Variants in ASPH observed in about 807,000 individuals in gnomAD.
The protein encoded by ASPH is aspartate beta-hydroxylase.
In ASPH, 100 loss-of-function variants were observed where a neutral mutation model predicts 118.4. The observed-to-expected ratio is 0.84, with a 90% confidence interval of 0.72 to 1.00. The LOEUF (loss-of-function observed/expected upper bound fraction) is 1.00, where lower values mean the gene tolerates loss of function less well. Ranked by LOEUF, ASPH falls within the 50% of genes least tolerant of loss-of-function variation. The pLI is 0.00. For synonymous variants in ASPH, 315 were observed against 325.6 expected, an observed-to-expected ratio of 0.97 and a Z score of 0.35; for missense variants, 920 against 919.5, an observed-to-expected ratio of 1.00 and a Z score of -0.01.
chr8:61,538,951 T>C (rs1820653003), intron 21 of ASPH, among the ~76,000 whole-genome samples: 1 of 152,158 alleles, frequency 6.6e-6, no homozygotes, highest in South Asian at 2.1e-4. Flanking sequence ...ATACAAAAAA[T>C]ATATTTTAGG....
chr8:61,661,648 A>G (rs1816969495), intron 3 of ASPH: 2 of 261,636 alleles, frequency 7.6e-6, no homozygotes, highest in South Asian at 3.5e-4. Context: ...AACATTTCAA[A>G]TTACAAATGA....
rs751827660 is a variant in ASPH, at chr8:61,635,528, G to A, written c.890-1801C>T. On this transcript the variant is annotated intron_variant, in intron 12 of 24. Transcript: ENST00000379454. ...AGAGTTAAAATGTCTGATCTGGGGCGTTTTATTTTCTCTCCTAAACCAGTT... is the reference window on the plus strand; with the variant it reads ...AGAGTTAAAATGTCTGATCTGGGGCATTTTATTTTCTCTCCTAAACCAGTT... Among the ~76,000 whole-genome samples the A allele has an allele frequency of 4.0e-4, 61 of 152,144 alleles. 1 individual carries two copies. The highest frequency in any genetic ancestry group is 5.9e-4 in the Non-Finnish European group (40 of 67,996).
At chr8:61,527,094 C>T (rs1815653878) in intron 21 of ASPH, among the ~76,000 whole-genome samples, 1 of 152,094 alleles carries the variant, frequency 6.6e-6, no homozygotes, top group Non-Finnish European at 1.5e-5. Context: ...CTGATTTCAA[C>T]AAGAATCAGG....
chr8:61,593,804 C>T (rs772247586), intron 14 of ASPH, among the ~76,000 whole-genome samples: 6 of 152,130 alleles, frequency 3.9e-5, no homozygotes, highest in Non-Finnish European at 8.8e-5. Context: ...CAAAGCAGTC[C>T]GCAGCCTCAC....
In ASPH at chr8:61,562,826, T is replaced by C. The variant is rs144001445; in HGVS notation, c.1355A>G (p.Asn452Ser). 4 of 1,612,984 alleles carry C rather than the reference T, an allele frequency of 2.5e-6. No individual in the cohort carries two copies. Among genetic ancestry groups the C allele is most frequent in the African/African-American group, 1.3e-5 (1 of 74,990 alleles). Residue 452 changes from asparagine (N) to serine (S), a missense_variant, in exon 18 of 25, where the codon AAT becomes AGT. Asn to Ser is a conservative substitution (Grantham distance 46). Transcript: ENST00000379454. ...AAGGTCATTTTTTAAGGAAGTATCA[T>C]TGGGAAATAGTTGAACTAATCTCTG... is the stretch of plus-strand genomic sequence containing the variant. ...TLQRLVQLFPNDTSLKNDLGV... is the reference protein window; with the variant it reads ...TLQRLVQLFPSDTSLKNDLGV...
At chr8:61,545,338 T>G in intron 21 of ASPH, among the ~76,000 whole-genome samples, 1 of 152,216 alleles carries the variant, frequency 6.6e-6, no homozygotes, top group Non-Finnish European at 1.5e-5. Context: ...TGCTAACACC[T>G]TAGTCTTGGA....
At chr8:61,585,704 CTCTT>C (rs1037506375) in intron 14 of ASPH, among the ~76,000 whole-genome samples, 4 of 152,198 alleles carry the variant, frequency 2.6e-5, no homozygotes, top group African/African-American at 9.6e-5. Context: ...TGGGGGGCAC[CTCTT>C]TGTCACCTTT....
At chr8:61,606,219 G>A (rs1331100678) in intron 14 of ASPH, among the ~76,000 whole-genome samples, 1 of 152,170 alleles carries the variant, frequency 6.6e-6, no homozygotes, top group Admixed American at 6.5e-5. Flanking sequence ...CAAGTTCATT[G>A]GTTTTATGTT....
intron 24 of ASPH, chr8:61,517,096 C>G (rs1206761794): frequency 6.4e-6 from 1 of 155,524 alleles, no homozygotes; most frequent in African/African-American, 2.4e-5. Context: ...TTGCACCATA[C>G]CATCTCCTCT....
At chr8:61,700,289 C>G (rs1021681800) in intron 1 of ASPH, among the ~76,000 whole-genome samples, 5 of 152,202 alleles carry the variant, frequency 3.3e-5, no homozygotes, top group African/African-American at 1.2e-4. Context: ...CTTTTCCTCC[C>G]CAGCACAGCC....
Position 61,689,918 on chromosome 8 carries a change from G to C in ASPH, c.104-5730C>G, listed in dbSNP as rs537623401. ...CTAAATGCTGCTAATCACCACTTAGGCTGAAGTGCACTCCCTAACAACACC... is the reference window on the plus strand; with the variant it reads ...CTAAATGCTGCTAATCACCACTTAGCCTGAAGTGCACTCCCTAACAACACC... On this transcript the variant is annotated intron_variant, in intron 1 of 24. Coordinates refer to ENST00000379454, the MANE Select transcript of ASPH (RefSeq NM_004318.4). The C allele has an allele frequency of 3.4e-4, 404 of 1,184,580 alleles. 1 individual carries two copies. The highest frequency in any genetic ancestry group is 4.0e-4 in the Non-Finnish European group (375 of 936,544). 73.4% of individuals were successfully genotyped at this position (1,184,580 alleles called of 1,614,324 possible).
chr8:61,630,101 G>A (rs1385145983), intron 13 of ASPH, among the ~76,000 whole-genome samples: 3 of 152,172 alleles, frequency 2.0e-5, no homozygotes, highest in Non-Finnish European at 4.4e-5. Flanking sequence ...AGGCAATGGT[G>A]ATAATGCCAC....
intron 21 of ASPH, 96 bp downstream of exon 21, chr8:61,547,975 C>G: frequency 7.0e-7 from 1 of 1,430,754 alleles, no homozygotes. Flanking sequence ...TAAAATCTAT[C>G]TCTTCCCTGA....
intron 13 of ASPH, chr8:61,625,482 G>C: frequency 1.0e-6 from 1 of 985,204 alleles, no homozygotes; most frequent in South Asian, 4.7e-5. Context: ...ATGCTGAAGA[G>C]ACTATAGCTA....
Position 61,714,379 on chromosome 8 carries a change from T to C in ASPH, c.-8A>G. ...ATTCTTACGCTGGGCCATTGCACGG[T>C]CCGCGGGGGCTGGTGAGGGCTGGCG... On this transcript the variant is annotated 5_prime_UTR_variant, in exon 1 of 25. Coordinates refer to ENST00000379454, the MANE Select transcript of ASPH (RefSeq NM_004318.4). 1 of 1,502,254 alleles carries C rather than the reference T, an allele frequency of 6.7e-7. No homozygotes were observed. The highest frequency in any genetic ancestry group is 8.9e-7 in the Non-Finnish European group (1 of 1,124,330). The allele number at this position is 1,502,254 out of a possible 1,614,324, so 93.1% of individuals were successfully genotyped here.
intron 16 of ASPH, among the ~76,000 whole-genome samples, chr8:61,572,124 T>C (rs1451077346): frequency 6.6e-6 from 1 of 152,240 alleles, no homozygotes; most frequent in Non-Finnish European, 1.5e-5. Context: ...GGATCTCAAG[T>C]GGTCACCATC....
At chr8:61,540,286 A>G (rs766502045) in intron 21 of ASPH, among the ~76,000 whole-genome samples, 1 of 152,008 alleles carries the variant, frequency 6.6e-6, no homozygotes, top group Non-Finnish European at 1.5e-5. Flanking sequence ...GTGGGAGGAG[A>G]TTGGACCATG....
intron 24 of ASPH, among the ~76,000 whole-genome samples, chr8:61,509,026 T>C (rs1396873955): frequency 6.6e-6 from 1 of 152,142 alleles, no homozygotes; most frequent in African/African-American, 2.4e-5. Flanking sequence ...CTCTCTCCCC[T>C]TCTAACACAC....
In ASPH at chr8:61,701,049, T is replaced by C. The variant is rs1835123899; in HGVS notation, c.103+13220A>G. On this transcript the variant is annotated intron_variant, in intron 1 of 24. Transcript: ENST00000379454. Reference sequence around the variant, plus strand: ...TAGAACATCAATATTTCTGCTTAAATTCCCTCATGGCCATTTCCATTGCAC... The same window carrying C: ...TAGAACATCAATATTTCTGCTTAAACTCCCTCATGGCCATTTCCATTGCAC... Among the ~76,000 whole-genome samples the C allele has an allele frequency of 2.0e-5, 3 of 152,200 alleles. No individual in the cohort carries two copies. In the South Asian group the frequency reaches 6.2e-4, roughly 31 times the overall value.
Sources: allele counts gnomAD v4.1 joint callset (sites outside exome capture counted in the v4.1 genomes callset), GRCh38; gene constraint gnomAD v4.1.1; transcripts MANE v1.5; gene names NCBI Gene and HGNC (gene_info 2026-07-23, HGNC 2026-07-21).